Variants in SAMD7 observed in about 807,000 individuals in gnomAD.
SAMD7 encodes the protein sterile alpha motif domain containing 7, also known as sterile alpha motif domain-containing protein 7.
Under a neutral mutation model 36.7 loss-of-function variants are expected in SAMD7, and 34 were observed. The observed-to-expected ratio is 0.93, with a 90% CI of 0.71 to 1.23. The LOEUF (loss-of-function observed/expected upper bound fraction) is 1.23, where lower values mean the gene tolerates loss of function less well. Among genes scored for constraint, SAMD7 ranks in the 50% most tolerant of loss-of-function variants. The pLI, the probability that SAMD7 is intolerant of heterozygous loss-of-function variation, is 0.00. For missense variants in SAMD7, 570 were observed against 546.6 expected, an observed-to-expected ratio of 1.04 and a Z score of -0.43; for synonymous variants, 188 against 189.7, an observed-to-expected ratio of 0.99 and a Z score of 0.07.
intron 2 of SAMD7, among the ~76,000 whole-genome samples, chr3:169,918,138 A>C: frequency 6.7e-6 from 1 of 150,002 alleles, no homozygotes; most frequent in Non-Finnish European, 1.5e-5. Flanking sequence ...GGGTCTCACC[A>C]TGTTGGCCAG....
chr3:169,927,360 T>C (rs557295260), intron 6 of SAMD7, among the ~76,000 whole-genome samples, 179 bp downstream of exon 6: 9 of 138,872 alleles, frequency 6.5e-5, no homozygotes, highest in African/African-American at 2.4e-4. Context: ...AGTGGCGCGA[T>C]CTCGGCTCAC....
At chr3:169,926,259 C>A in intron 5 of SAMD7, 1 of 1,351,852 alleles carries the variant, frequency 7.4e-7, no homozygotes, top group Non-Finnish European at 9.7e-7. Context: ...GAGGATTAAT[C>A]TCTGGCAAGG....
chr3:169,919,002 C>T (rs894952506), intron 2 of SAMD7, among the ~76,000 whole-genome samples: 2 of 152,028 alleles, frequency 1.3e-5, no homozygotes, highest in African/African-American at 2.4e-5. Context: ...CAAAATTAGC[C>T]GGGCGTGGTG....
intron 4 of SAMD7, among the ~76,000 whole-genome samples, chr3:169,921,539 A>C (rs1459559675): frequency 6.6e-6 from 1 of 152,310 alleles, no homozygotes; most frequent in East Asian, 1.9e-4. Context: ...GACTCCTCTA[A>C]GTGTCAATTT....
At chr3:169,928,803 A>T (rs557145996) in intron 7 of SAMD7, among the ~76,000 whole-genome samples, 6 of 152,300 alleles carry the variant, frequency 3.9e-5, no homozygotes, top group Admixed American at 2.0e-4. Flanking sequence ...GTCTGTCTTT[A>T]GCTTCTTTCC....
Position 169,938,463 on chromosome 3 carries a change from C to A in SAMD7, c.1298C>A (p.Thr433Lys). The A allele has an allele frequency of 1.2e-6, 2 of 1,613,018 alleles. No individual in the cohort carries two copies. Among genetic ancestry groups the A allele is most frequent in the Non-Finnish European group, 1.7e-6 (2 of 1,179,168 alleles). ...ATGAACATTTTTTGTCCCCAGGATA[C>A]AATAATTCCTAAAGGAATTGAGCGA... ...DTMNIFCPQD[T>K]IIPKGIERGS... Residue 433 changes from threonine (T) to lysine (K), a missense_variant, in exon 9 of 9, where the codon ACA becomes AAA. Transcript: ENST00000335556.
intron 2 of SAMD7, 93 bp from the exon 3 acceptor site, chr3:169,919,365 A>G: frequency 1.4e-6 from 1 of 698,742 alleles, no homozygotes; most frequent in Non-Finnish European, 2.5e-6. Context: ...AGTGTTGTGA[A>G]AATACAAAAG....
chr3:169,934,337 C>T (rs1713632416), intron 7 of SAMD7, among the ~76,000 whole-genome samples: 1 of 152,092 alleles, frequency 6.6e-6, no homozygotes, highest in South Asian at 2.1e-4. Flanking sequence ...GATAAGAACA[C>T]AACCTAGAGG....
chr3:169,930,569 CTTTCT>C (rs1553758333), intron 7 of SAMD7, among the ~76,000 whole-genome samples: 2 of 84,498 alleles, frequency 2.4e-5, no homozygotes, highest in East Asian at 3.8e-4. Context: ...CTCATAGCCC[CTTTCT>C]TTTCTTTTTT....
In SAMD7 at chr3:169,926,703, C is replaced by T. The variant is rs749226032; in HGVS notation, c.441C>T (p.Ala147=). The change falls in exon 6 of 9, where the codon GCC becomes GCT. Residue 147 remains alanine, a synonymous_variant. Coordinates refer to ENST00000335556, the MANE Select transcript of SAMD7 (RefSeq NM_001304366.2). ...ACCATGGCAGGAGCATGCTCCCTGCCGGTGACCTGCATTTTCACAGAAGCA... is the reference window on the plus strand; with the variant it reads ...ACCATGGCAGGAGCATGCTCCCTGCTGGTGACCTGCATTTTCACAGAAGCA... ...AAYHGRSMLP[A]GDLHFHRSTL... is the part of the protein sequence containing the mutation. The T allele has an allele frequency of 6.2e-6, 10 of 1,613,832 alleles. No individual in the cohort carries two copies. Among genetic ancestry groups the T allele is most frequent in the African/African-American group, 1.3e-5 (1 of 74,840 alleles).
intron 7 of SAMD7, among the ~76,000 whole-genome samples, chr3:169,930,902 GA>G (rs1164030226): frequency 1.3e-5 from 2 of 151,998 alleles, no homozygotes; most frequent in Non-Finnish European, 2.9e-5. Context: ...TTCTTTAAAT[GA>G]GTTGGACCAA....
rs1559955917 is a variant in SAMD7 at position 169,938,417 on chromosome 3, C to T, written c.1252C>T (p.Pro418Ser). ...AGCAGATACATCCCCTCTTCTGGAT[C>T]CTAATTCCTGGAGTGATACAATGAA... ...QPADTSPLLD[P>S]NSWSDTMNIF... Residue 418 changes from proline to serine, a missense_variant, in exon 9 of 9, where the codon CCT (proline) becomes TCT (serine). Physicochemically the swap from Pro to Ser is moderately conservative, Grantham distance 74. Transcript: ENST00000335556. 2 of 1,610,298 alleles carry T rather than the reference C, an allele frequency of 1.2e-6. No homozygotes were observed. Among genetic ancestry groups the T allele is most frequent in the Admixed American group, 1.7e-5 (1 of 60,004 alleles).
chr3:169,920,023 C>T (rs978358173), intron 3 of SAMD7, among the ~76,000 whole-genome samples: 1 of 151,898 alleles, frequency 6.6e-6, no homozygotes, highest in African/African-American at 2.4e-5. Flanking sequence ...AAATACAAAA[C>T]ATTAGCCAGA....
intron 7 of SAMD7, chr3:169,932,199 G>A: frequency 1.3e-6 from 1 of 753,476 alleles, no homozygotes; most frequent in South Asian, 1.5e-5. Flanking sequence ...AGTCTTCCTA[G>A]GAGACTGCAG....
intron 3 of SAMD7, 113 bp downstream of exon 3, chr3:169,919,697 T>C: frequency 1.1e-6 from 1 of 878,434 alleles, no homozygotes; most frequent in African/African-American, 1.6e-5. Context: ...TTCAGTGAAC[T>C]GTGGTGCAGT....
At chr3:169,921,820 G>T (rs976837199) in intron 4 of SAMD7, among the ~76,000 whole-genome samples, 2 of 152,178 alleles carry the variant, frequency 1.3e-5, no homozygotes, top group Non-Finnish European at 2.9e-5. Flanking sequence ...TGGGATCAAA[G>T]TTCTGGGAAT....
At chr3:169,936,840 C>G (rs1327911678) in intron 8 of SAMD7, among the ~76,000 whole-genome samples, 3 of 152,042 alleles carry the variant, frequency 2.0e-5, no homozygotes. Context: ...TGCTGCCCTC[C>G]TCGCTCCGGG....
rs1321100530 is a variant in SAMD7 at position 169,927,126 on chromosome 3, A to C, written c.864A>C (p.Ala288=). ...AGGAGGCTTCGGAGCAGATTTTTGCAACCTGTGATGAAAAGAATGGGGTTT... is the reference window on the plus strand; with the variant it reads ...AGGAGGCTTCGGAGCAGATTTTTGCCACCTGTGATGAAAAGAATGGGGTTT... ...GKEEASEQIF[A]TCDEKNGVCP... Residue 288 remains alanine, a synonymous_variant, in exon 6 of 9, where the codon GCA becomes GCC. Transcript: ENST00000335556. 6.4e-7 allele frequency: 1 copy of C among 1,572,876 alleles called. No individual in the cohort carries two copies. The highest frequency in any genetic ancestry group is 8.6e-7 in the Non-Finnish European group (1 of 1,165,942).
intron 5 of SAMD7, 64 bp from the exon 6 acceptor site, chr3:169,926,489 G>A (rs537376287): frequency 2.1e-6 from 3 of 1,461,460 alleles, no homozygotes; most frequent in East Asian, 2.3e-5. Flanking sequence ...AAGACAAGGG[G>A]TCATTAAAAT....
Sources: gnomAD v4.1 joint callset for allele counts (sites outside exome capture counted in the v4.1 genomes callset) on GRCh38, gnomAD v4.1.1 for gene constraint, MANE v1.5 for transcripts, NCBI Gene and HGNC (gene_info 2026-07-23, HGNC 2026-07-21) for gene names.